ATIC: variants seen among roughly 807,000 people sequenced by gnomAD.
The protein encoded by ATIC is bifunctional purine biosynthesis protein ATIC.
ATIC carries 64 observed loss-of-function variants against 72.5 expected under a neutral mutation model. The ratio of observed to expected loss-of-function variants is 0.88; its 90% CI spans 0.72 to 1.09. ATIC has a LOEUF of 1.09. ATIC is among the 50% of genes least tolerant of loss of function. ATIC has a pLI of 0.00. For synonymous variants in ATIC, 281 were observed against 267.1 expected (o/e 1.05, Z -0.51); for missense variants, 787 against 732.4 (o/e 1.07, Z -0.86).
chr2:215,325,219 C>G (rs766770737), intron 4 of ATIC, 22 bp from the exon 5 acceptor site: 1 of 1,592,408 alleles, frequency 6.3e-7, no homozygotes, highest in Non-Finnish European at 8.6e-7. Flanking sequence ...TAATGACAGC[C>G]AGATTCGTCT....
At chr2:215,330,773 G>A (rs1259997336) in intron 7 of ATIC, among the ~76,000 whole-genome samples, 10 of 151,016 alleles carry the variant, frequency 6.6e-5, no homozygotes, top group Non-Finnish European at 2.9e-5. Flanking sequence ...GATATCCTGG[G>A]ACTCAAGCAG....
intron 11 of ATIC, among the ~76,000 whole-genome samples, chr2:215,336,617 A>T (rs888858905): frequency 2.0e-5 from 3 of 152,202 alleles, no homozygotes; most frequent in African/African-American, 7.2e-5. Context: ...AAATATTTGC[A>T]TGTGCATTTC....
chr2:215,340,817 C>T (rs1044149301), intron 12 of ATIC, among the ~76,000 whole-genome samples: 1 of 152,128 alleles, frequency 6.6e-6, no homozygotes, highest in South Asian at 2.1e-4. Flanking sequence ...GCCAATTTAC[C>T]TTTAGTTTAT....
intron 4 of ATIC, among the ~76,000 whole-genome samples, chr2:215,321,539 T>C (rs548770355): frequency 3.9e-5 from 6 of 152,234 alleles, no homozygotes; most frequent in Admixed American, 6.5e-5. Context: ...ATGTTTAGCT[T>C]TTGAGGAACT....
At chr2:215,367,220 C>CT in the ATIC span, among the ~76,000 whole-genome samples, 7 of 152,104 alleles carry the variant, frequency 4.6e-5, no homozygotes, top group African/African-American at 1.7e-4. Flanking sequence ...AATCTCAAAG[C>CT]ATAATAGATA....
intron 11 of ATIC, among the ~76,000 whole-genome samples, chr2:215,336,833 T>C (rs552461196): frequency 1.3e-5 from 2 of 152,346 alleles, no homozygotes; most frequent in Non-Finnish European, 2.9e-5. Context: ...TAATTGATAC[T>C]GCCCCTTTTA....
At chr2:215,313,342 A>T (rs748312558) in intron 2 of ATIC, among the ~76,000 whole-genome samples, 1 of 152,208 alleles carries the variant, frequency 6.6e-6, no homozygotes, top group Admixed American at 6.5e-5. Flanking sequence ...TCTGGTAACC[A>T]TATGAAGGTG....
At chr2:215,357,902 A>G in the ATIC span, among the ~76,000 whole-genome samples, 4 of 147,878 alleles carry the variant, frequency 2.7e-5, no homozygotes, top group East Asian at 8.0e-4. Flanking sequence ...GGGATTTTTT[A>G]ATTGTAACCT....
At chr2:215,335,365 A>G (rs1034552359) in intron 10 of ATIC, among the ~76,000 whole-genome samples, 12 of 152,200 alleles carry the variant, frequency 7.9e-5, no homozygotes, top group African/African-American at 2.9e-4. Flanking sequence ...AACAGAAACT[A>G]CATTAATAAA....
chr2:215,346,685 ATG>A, intron 13 of ATIC, 72 bp from the exon 14 acceptor site: 1 of 1,513,962 alleles, frequency 6.6e-7, no homozygotes, highest in Non-Finnish European at 9.2e-7. Flanking sequence ...GTTTTGGAGA[ATG>A]TGCACAAAAG....
chr2:215,343,490 C>T (rs2053041292), intron 12 of ATIC, among the ~76,000 whole-genome samples: 1 of 152,124 alleles, frequency 6.6e-6, no homozygotes, highest in South Asian at 2.1e-4. Context: ...GAATGCGCCA[C>T]CACACCTGGC....
At chr2:215,363,994 G>A in the ATIC span, among the ~76,000 whole-genome samples, 1 of 152,172 alleles carries the variant, frequency 6.6e-6, no homozygotes, top group Non-Finnish European at 1.5e-5. Context: ...ATCCCAGGGG[G>A]TGTGTCTCTC....
chr2:215,326,447 A>G (rs1217026172), intron 6 of ATIC, among the ~76,000 whole-genome samples: 1 of 152,014 alleles, frequency 6.6e-6, no homozygotes, highest in Non-Finnish European at 1.5e-5. Flanking sequence ...TCTACTGAAA[A>G]TACAAAAATT....
chr2:215,323,305 A>G (rs773144180), intron 4 of ATIC, among the ~76,000 whole-genome samples: 1 of 152,098 alleles, frequency 6.6e-6, no homozygotes, highest in African/African-American at 2.4e-5. Flanking sequence ...GCATTTCCAC[A>G]TGATTTTTAG....
At position 215,349,061 on chromosome 2, in the gene ATIC, A is replaced by G. The variant is rs1457168271; in HGVS notation, c.1504-33A>G. ...CACATAGAACTAAAGACGATGTCAG[A>G]CCAAGCTTCTTCCTTTCTCTCTCCC... is the stretch of plus-strand genomic sequence containing the variant. On this transcript the variant is annotated intron_variant, in intron 14 of 15. Coordinates refer to ENST00000236959, the MANE Select transcript of ATIC (RefSeq NM_004044.7). The G allele has an allele frequency of 3.1e-6, 5 of 1,613,494 alleles. No homozygotes were observed. In the Admixed American group the frequency reaches 8.3e-5, roughly 27 times the overall value.
At chr2:215,351,358 G>T (rs538744759), downstream of ATIC, among the ~76,000 whole-genome samples, 14 of 152,290 alleles carry the variant, frequency 9.2e-5, no homozygotes, top group African/African-American at 3.4e-4. Context: ...AAAGTTCTGG[G>T]GTAATTATGT....
rs749313836 is a variant in ATIC at position 215,332,410 on chromosome 2, C to T, written c.717C>T (p.Asn239=). The T allele has an allele frequency of 5.0e-6, 8 of 1,614,056 alleles. No homozygotes were observed. The South Asian group carries it at 8.8e-5, about 18-fold the overall frequency. The part of the protein sequence containing the change: ...TVLNGAPGFI[N]LCDALNAWQL... ...TAAATGGAGCCCCTGGATTTATAAACTTGTGCGATGCTTTGAACGCCTGGC... is the reference window on the plus strand; with the variant it reads ...TAAATGGAGCCCCTGGATTTATAAATTTGTGCGATGCTTTGAACGCCTGGC... Residue 239 remains asparagine (N), a synonymous_variant, in exon 8 of 16, where the codon AAC becomes AAT. Transcript: ENST00000236959.
intron 2 of ATIC, among the ~76,000 whole-genome samples, chr2:215,314,743 G>A (rs1575111885): frequency 1.3e-5 from 2 of 152,002 alleles, no homozygotes; most frequent in South Asian, 4.2e-4. Flanking sequence ...TCAAGTGATC[G>A]CCCGCCTTGG....
intron 7 of ATIC, among the ~76,000 whole-genome samples, chr2:215,327,451 T>C (rs2052841677): frequency 1.3e-5 from 2 of 152,152 alleles, no homozygotes; most frequent in Non-Finnish European, 2.9e-5. Flanking sequence ...CCAATTGAAG[T>C]AGGCCAAAGC....
Sources: gnomAD v4.1 joint callset for allele counts (sites outside exome capture counted in the v4.1 genomes callset) on GRCh38, gnomAD v4.1.1 for gene constraint, MANE v1.5 for transcripts, NCBI Gene and HGNC (gene_info 2026-07-23, HGNC 2026-07-21) for gene names.